NAALADL2: variants seen among roughly 807,000 people sequenced by gnomAD.
The protein encoded by NAALADL2 is inactive N-acetylated-alpha-linked acidic dipeptidase-like protein 2.
NAALADL2 carries 76 observed loss-of-function variants against 87.2 expected under a neutral mutation model. That is an observed-to-expected ratio of 0.87 (90% CI 0.72 to 1.05). The LOEUF (loss-of-function observed/expected upper bound fraction) is 1.05. Ranked by LOEUF, NAALADL2 falls within the 50% of genes least tolerant of loss-of-function variation. The pLI, the probability that NAALADL2 is intolerant of heterozygous loss-of-function variation, is 0.00. For synonymous variants in NAALADL2, 354 were observed against 331.0 expected (o/e 1.07, Z -0.75); for missense variants, 1,089 against 945.8 (o/e 1.15, Z -1.99).
chr3:174,696,755 T>C (rs1729058702), intron 2 of NAALADL2, among the ~76,000 whole-genome samples: 1 of 152,108 alleles, frequency 6.6e-6, no homozygotes, highest in South Asian at 2.1e-4. Context: ...CTGCTTTCAT[T>C]TGAAATATAA....
At chr3:174,989,869 C>T (rs896418593) in intron 1 of NAALADL2, among the ~76,000 whole-genome samples, 4 of 152,044 alleles carry the variant, frequency 2.6e-5, no homozygotes, top group African/African-American at 9.7e-5. Flanking sequence ...TGGTAATCTG[C>T]ATATATAGTA....
intron 1 of NAALADL2, among the ~76,000 whole-genome samples, chr3:174,932,678 T>C (rs1737092872): frequency 6.6e-6 from 1 of 152,182 alleles, no homozygotes; most frequent in Non-Finnish European, 1.5e-5. Flanking sequence ...AAAAATACCA[T>C]ATAGAGTTCT....
chr3:175,134,315 C>T (rs962236494), intron 2 of NAALADL2, among the ~76,000 whole-genome samples: 1 of 152,184 alleles, frequency 6.6e-6, no homozygotes, highest in Non-Finnish European at 1.5e-5. Context: ...CTTTTGTTTT[C>T]CAACTGCAGA....
intron 1 of NAALADL2, among the ~76,000 whole-genome samples, chr3:174,949,915 A>G (rs1740063506): frequency 6.6e-6 from 1 of 152,146 alleles, no homozygotes; most frequent in Admixed American, 6.6e-5. Flanking sequence ...CTTTTTGTGC[A>G]CTGGTCTTGA....
chr3:175,788,064 A>G (rs1197059080), intron 13 of NAALADL2, among the ~76,000 whole-genome samples: 1 of 149,608 alleles, frequency 6.7e-6, no homozygotes, highest in Non-Finnish European at 1.5e-5. Flanking sequence ...TAAGTGCCTT[A>G]CACAGGTGTA....
At chr3:175,098,728 G>C (rs917754338) in intron 2 of NAALADL2, among the ~76,000 whole-genome samples, 1 of 152,106 alleles carries the variant, frequency 6.6e-6, no homozygotes, top group Non-Finnish European at 1.5e-5. Context: ...AATCTAACTG[G>C]CTCAGGATGT....
chr3:174,488,764 T>G (rs1246915659), intron 1 of NAALADL2, among the ~76,000 whole-genome samples: 1 of 152,004 alleles, frequency 6.6e-6, no homozygotes, highest in Admixed American at 6.6e-5. Flanking sequence ...CTGTACTAAA[T>G]CAGCCTACTA....
chr3:175,312,478 A>G (rs1276994604), intron 4 of NAALADL2, among the ~76,000 whole-genome samples: 1 of 152,068 alleles, frequency 6.6e-6, no homozygotes, highest in Admixed American at 6.6e-5. Context: ...ATAAACAGGC[A>G]TATAACTCTC....
In NAALADL2 at chr3:174,568,713, C is replaced by T. The variant is rs553785086; in HGVS notation, c.-115+18076C>T. On this transcript the variant is annotated intron_variant, in intron 2 of 3. Coordinates refer to the NAALADL2 transcript ENST00000434257. ...CTTATCAGCCACTGAGACTGTAAGTCCATATGGGGAGGAACCAATATTTTT... is the reference window on the plus strand; with the variant it reads ...CTTATCAGCCACTGAGACTGTAAGTTCATATGGGGAGGAACCAATATTTTT... Among the ~76,000 whole-genome samples the T allele has an allele frequency of 2.0e-5, 3 of 151,680 alleles. No homozygotes were observed. The South Asian group carries it at 6.2e-4, about 31-fold the overall frequency.
At chr3:175,672,405 G>C (rs1734123634) in intron 11 of NAALADL2, among the ~76,000 whole-genome samples, 1 of 152,132 alleles carries the variant, frequency 6.6e-6, no homozygotes, top group Non-Finnish European at 1.5e-5. Flanking sequence ...ATGCTATGGA[G>C]AAAACTCAGC....
chr3:175,504,479 CA>C (rs2149376947), intron 9 of NAALADL2, among the ~76,000 whole-genome samples: 1 of 152,100 alleles, frequency 6.6e-6, no homozygotes, highest in African/African-American at 2.4e-5. Flanking sequence ...GAAATGATGT[CA>C]TCAGGGTGGG....
chr3:174,640,530 C>A (rs778333894), intron 2 of NAALADL2, among the ~76,000 whole-genome samples: 1 of 152,100 alleles, frequency 6.6e-6, no homozygotes, highest in Non-Finnish European at 1.5e-5. Context: ...GGACTTCTGC[C>A]CTCCTCTCCT....
intron 2 of NAALADL2, among the ~76,000 whole-genome samples, chr3:175,173,170 T>C (rs1443023359): frequency 6.6e-6 from 1 of 151,876 alleles, no homozygotes; most frequent in Non-Finnish European, 1.5e-5. Context: ...CAGGCGCCTG[T>C]AGTCCCAGCT....
Position 175,234,087 on chromosome 3 carries a change from C to G in NAALADL2, c.702C>G (p.Ser234Arg). Reference sequence around the variant, plus strand: ...CTTCTCCCAGCACTGTGACTCTGAGCAGCAGTGGTCAATGCTTTCATCCTA... The same window carrying G: ...CTTCTCCCAGCACTGTGACTCTGAGGAGCAGTGGTCAATGCTTTCATCCTA... ...PGPSPSTVTLSSSGQCFHPNG... is the reference protein window; with the variant it reads ...PGPSPSTVTLRSSGQCFHPNG... Residue 234 changes from serine (S) to arginine (R), a missense_variant, in exon 3 of 14, where the codon AGC becomes AGG. By Grantham distance (110) the Ser-to-Arg change is moderately radical. Coordinates refer to ENST00000454872, the MANE Select transcript of NAALADL2 (RefSeq NM_207015.3). The G allele has an allele frequency of 6.2e-7, 1 of 1,613,882 alleles. No homozygotes were observed. The highest frequency in any genetic ancestry group is 8.5e-7 in the Non-Finnish European group (1 of 1,179,826).
chr3:175,011,872 T>G (rs1434793573), intron 1 of NAALADL2, among the ~76,000 whole-genome samples: 1 of 152,174 alleles, frequency 6.6e-6, no homozygotes, highest in African/African-American at 2.4e-5. Context: ...TTAAGGATTG[T>G]TAATTTAATA....
chr3:174,522,720 G>T (rs1324598424), intron 1 of NAALADL2, among the ~76,000 whole-genome samples: 1 of 151,802 alleles, frequency 6.6e-6, no homozygotes, highest in Non-Finnish European at 1.5e-5. Context: ...GGATCACGAG[G>T]TCAGGAGATC....
At chr3:175,619,977 T>C (rs969630663) in intron 10 of NAALADL2, among the ~76,000 whole-genome samples, 2 of 150,286 alleles carry the variant, frequency 1.3e-5, no homozygotes, top group Non-Finnish European at 3.0e-5. Flanking sequence ...ATTGACAAAG[T>C]CCTCCCCAGC....
chr3:175,571,651 A>G (rs765117376), intron 9 of NAALADL2, among the ~76,000 whole-genome samples: 13 of 152,194 alleles, frequency 8.5e-5, no homozygotes, highest in Non-Finnish European at 1.5e-4. Flanking sequence ...GATTGAATAT[A>G]GATTTACAAT....
At chr3:174,606,760 A>C (rs1353952238) in intron 2 of NAALADL2, among the ~76,000 whole-genome samples, 1 of 152,226 alleles carries the variant, frequency 6.6e-6, no homozygotes, top group African/African-American at 2.4e-5. Context: ...GATATTATCC[A>C]GGAGAACTTC....
Sources: gnomAD v4.1 joint callset for allele counts (sites outside exome capture counted in the v4.1 genomes callset) on GRCh38, gnomAD v4.1.1 for gene constraint, MANE v1.5 for transcripts, NCBI Gene and HGNC (gene_info 2026-07-23, HGNC 2026-07-21) for gene names.